Variants in FGD5 observed in about 807,000 individuals in gnomAD.
FGD5 encodes FYVE, RhoGEF and PH domain-containing protein 5.
Under a neutral mutation model 133.4 loss-of-function variants are expected in FGD5, and 28 were observed. That is an observed-to-expected ratio of 0.21 (90% CI 0.16 to 0.29). The LOEUF is 0.29. FGD5 is among the 10% of genes least tolerant of loss of function. The pLI is 1.00. For synonymous variants in FGD5, 810 were observed against 776.5 expected, an observed-to-expected ratio of 1.04 and a Z score of -0.72; for missense variants, 1,858 against 1,895.2, an observed-to-expected ratio of 0.98 and a Z score of 0.36.
chr3:14,913,809 G>A (rs544843423), intron 11 of FGD5, among the ~76,000 whole-genome samples: 1 of 152,234 alleles, frequency 6.6e-6, no homozygotes, highest in African/African-American at 2.4e-5. Flanking sequence ...TCACACACCT[G>A]AAGCTCTTTG....
intron 4 of FGD5, among the ~76,000 whole-genome samples, chr3:14,886,834 A>G (rs1450301656): frequency 1.3e-5 from 2 of 152,044 alleles, no homozygotes; most frequent in African/African-American, 2.4e-5. Flanking sequence ...TGTGTTTCCC[A>G]CATCTCCTGC....
intron 1 of FGD5, among the ~76,000 whole-genome samples, chr3:14,858,344 C>T (rs556932465): frequency 2.7e-5 from 3 of 110,580 alleles, no homozygotes; most frequent in African/African-American, 6.9e-5. Context: ...TGTCCTGAAG[C>T]GGGTGGGTGG....
intron 2 of FGD5, among the ~76,000 whole-genome samples, chr3:14,871,667 T>A (rs963750976): frequency 6.6e-6 from 1 of 152,088 alleles, no homozygotes; most frequent in Non-Finnish European, 1.5e-5. Flanking sequence ...CCTGGGTACG[T>A]GTATGCCTCA....
chr3:14,898,646 G>T (rs1275462987), intron 6 of FGD5, 93 bp from the exon 7 acceptor site: 4 of 983,548 alleles, frequency 4.1e-6, no homozygotes, highest in Non-Finnish European at 6.1e-6. Flanking sequence ...CCGGGAAGAG[G>T]TGTGGATGGG....
Position 14,820,475 on chromosome 3 carries a change from T to C in FGD5, c.1404T>C (p.Gly468=). ...AAGAATTGAACTGTGAGGCAGAGGG[T>C]GGCCTGGTTCCCGCGGACAGGAAGA... ...SKEELNCEAE[G]GLVPADRKNT... Residue 468 remains glycine (G), a synonymous_variant, in exon 1 of 20, where the codon GGT becomes GGC. Coordinates refer to ENST00000285046, the MANE Select transcript of FGD5 (RefSeq NM_152536.4). 6.2e-7 allele frequency: 1 copy of C among 1,613,354 alleles called. No individual in the cohort carries two copies.
rs746753668 is a variant in FGD5, at chr3:14,864,178, A to G, written c.2576A>G (p.Lys859Arg). 1.2e-6 allele frequency: 2 copies of G among 1,613,834 alleles called. No homozygotes were observed. Among genetic ancestry groups the G allele is most frequent in the Admixed American group, 1.7e-5 (1 of 59,994 alleles). ...TGTCCCATCTCGTCGGCAGCCCCCAAAGAGGACCTTACGTCGGATGAAGAG... is the reference window on the plus strand; with the variant it reads ...TGTCCCATCTCGTCGGCAGCCCCCAGAGAGGACCTTACGTCGGATGAAGAG... Reference protein sequence around the residue: ...KVCPISSAAPKEDLTSDEEQR... With the variant: ...KVCPISSAAPREDLTSDEEQR... The change falls in exon 2 of 20, where the codon AAA becomes AGA. Residue 859 changes from lysine to arginine, a missense_variant. Around this residue, in one of 3 missense-constraint regions of FGD5, gnomAD observed 1,824 missense variants for 1,848.9 expected, o/e 0.99. Transcript: ENST00000285046.
intron 2 of FGD5, among the ~76,000 whole-genome samples, chr3:14,874,201 G>A (rs1173123876): frequency 1.3e-5 from 2 of 152,186 alleles, no homozygotes; most frequent in African/African-American, 2.4e-5. Flanking sequence ...GACAAATACT[G>A]CATGAGTGCA....
chr3:14,915,386 A>G (rs1371662494), intron 11 of FGD5, among the ~76,000 whole-genome samples: 2 of 152,202 alleles, frequency 1.3e-5, no homozygotes, highest in Non-Finnish European at 2.9e-5. Flanking sequence ...CCATCCTTAC[A>G]CATCCCTACT....
Position 14,918,827 on chromosome 3 carries a change from C to T in FGD5, c.3563C>T (p.Ser1188Phe). Residue 1188 changes from serine to phenylalanine, a missense_variant, in exon 13 of 20, where the codon TCT becomes TTT. Physicochemically the swap from Ser to Phe is radical, Grantham distance 155 (BLOSUM62 -2). Around this residue, in one of 3 missense-constraint regions of FGD5, gnomAD observed 1,824 missense variants for 1,848.9 expected, o/e 0.99. Transcript: ENST00000285046. ...ACTTCCGAGTCCTGCCTGATGCTGT[C>T]TGCGAGGTACGGGCAGGTGGAGGGA... is the stretch of plus-strand genomic sequence containing the variant. The part of the protein sequence containing the change: ...IETSESCLML[S>F]ASSCAERDEW... 1 of 1,613,928 alleles carries T rather than the reference C, an allele frequency of 6.2e-7. No individual in the cohort carries two copies. The highest frequency in any genetic ancestry group is 8.5e-7 in the Non-Finnish European group (1 of 1,179,892).
At chr3:14,887,651 G>A (rs187289552) in intron 4 of FGD5, among the ~76,000 whole-genome samples, 12 of 152,248 alleles carry the variant, frequency 7.9e-5, no homozygotes, top group African/African-American at 2.9e-4. Flanking sequence ...GGCACTGATG[G>A]TCTAGAGAGA....
At position 14,926,206 on chromosome 3, in the gene FGD5, T is replaced by C. The variant is rs1234407651; in HGVS notation, c.4197+8T>C. 1 of 1,612,784 alleles carries C rather than the reference T, an allele frequency of 6.2e-7. No individual in the cohort carries two copies. The highest frequency in any genetic ancestry group is 8.5e-7 in the Non-Finnish European group (1 of 1,179,136). On this transcript the variant is annotated splice_region_variant and intron_variant, in intron 18 of 19. Transcript: ENST00000285046. ...ACCTACATGGCCAGTGAGGTAGTAGTGATCTGCACTCTCTCCCCTCTCCTC... is the reference window on the plus strand; with the variant it reads ...ACCTACATGGCCAGTGAGGTAGTAGCGATCTGCACTCTCTCCCCTCTCCTC...
upstream of FGD5, among the ~76,000 whole-genome samples, chr3:14,817,237 C>A (rs1483072897): frequency 6.6e-6 from 1 of 151,886 alleles, no homozygotes; most frequent in African/African-American, 2.4e-5. Flanking sequence ...CTCTTGTCAC[C>A]CAGGCGGGAG....
intron 1 of FGD5, among the ~76,000 whole-genome samples, chr3:14,823,408 C>T (rs2036542820): frequency 6.6e-6 from 1 of 152,210 alleles, no homozygotes; most frequent in Non-Finnish European, 1.5e-5. Flanking sequence ...ATATACTGTT[C>T]CCCTCTAATA....
intron 12 of FGD5, among the ~76,000 whole-genome samples, chr3:14,918,237 G>A (rs1043366985): frequency 2.6e-5 from 4 of 152,224 alleles, no homozygotes; most frequent in Middle Eastern, 3.2e-3. Flanking sequence ...GTTAGAGAGG[G>A]CAACACTGAG....
chr3:14,814,893 T>C (rs552003736), upstream of FGD5, among the ~76,000 whole-genome samples: 1 of 152,276 alleles, frequency 6.6e-6, no homozygotes, highest in Admixed American at 6.5e-5. Context: ...TTCTTGACTT[T>C]TCTCTTTCTT....
chr3:14,880,301 C>G (rs1043399256), intron 2 of FGD5, among the ~76,000 whole-genome samples: 1 of 152,172 alleles, frequency 6.6e-6, no homozygotes, highest in Non-Finnish European at 1.5e-5. Context: ...CTGCAGGGAA[C>G]TGAGATCACG....
intron 1 of FGD5, among the ~76,000 whole-genome samples, chr3:14,824,713 T>C (rs1048151184): frequency 6.6e-6 from 1 of 152,254 alleles, no homozygotes; most frequent in Admixed American, 6.5e-5. Flanking sequence ...TTTGACTCAT[T>C]ACTTTTCTTT....
chr3:14,825,808 G>A (rs2036588538), intron 1 of FGD5, among the ~76,000 whole-genome samples: 1 of 152,186 alleles, frequency 6.6e-6, no homozygotes, highest in Non-Finnish European at 1.5e-5. Flanking sequence ...GTCTTGGCGT[G>A]GGGAACCCAG....
At chr3:14,892,544 G>A (rs923845385) in intron 4 of FGD5, among the ~76,000 whole-genome samples, 11 of 152,136 alleles carry the variant, frequency 7.2e-5, no homozygotes, top group African/African-American at 1.9e-4. Flanking sequence ...CAGGCCGGGC[G>A]CGGTGGCTCA....
Sources: allele counts gnomAD v4.1 joint callset (sites outside exome capture counted in the v4.1 genomes callset), GRCh38; gene constraint gnomAD v4.1.1; regional missense constraint gnomAD v4.1.1; transcripts MANE v1.5; gene names NCBI Gene and HGNC (gene_info 2026-07-23, HGNC 2026-07-21).